ACSBG1: variants seen among roughly 807,000 people sequenced by gnomAD.
ACSBG1 encodes acyl-CoA synthetase bubblegum family member 1, also known as long-chain-fatty-acid--CoA ligase ACSBG1.
Under a neutral mutation model 80.2 loss-of-function variants are expected in ACSBG1, and 39 were observed. The observed-to-expected ratio is 0.49, with a 90% CI of 0.38 to 0.64. The LOEUF is 0.64. Ranked by LOEUF, ACSBG1 falls within the 30% of genes least tolerant of loss-of-function variation. The probability of loss-of-function intolerance (pLI) is 0.00; values close to 1 mark genes in which losing one functional copy is unlikely to be tolerated. For synonymous variants in ACSBG1, 392 were observed against 379.5 expected (o/e 1.03, Z -0.38); for missense variants, 828 against 966.4 (o/e 0.86, Z 1.90).
intron 5 of ACSBG1, among the ~76,000 whole-genome samples, chr15:78,185,710 C>T (rs1028022979): frequency 2.0e-5 from 3 of 151,792 alleles, no homozygotes; most frequent in African/African-American, 7.3e-5. Flanking sequence ...TACAACATAA[C>T]CAAATTGCTG....
At chr15:78,181,000 T>C in intron 8 of ACSBG1, 64 bp from the exon 9 acceptor site, 1 of 1,562,008 alleles carries the variant, frequency 6.4e-7, no homozygotes, top group Admixed American at 1.8e-5. Context: ...GGGTCCCCTC[T>C]TACCAGCCAG....
chr15:78,190,064 T>A (rs1229802671), intron 5 of ACSBG1, among the ~76,000 whole-genome samples: 1 of 151,944 alleles, frequency 6.6e-6, no homozygotes, highest in Non-Finnish European at 1.5e-5. Flanking sequence ...ATGGCAAAAA[T>A]GTGGGTAAAT....
intron 8 of ACSBG1, 86 bp from the exon 9 acceptor site, chr15:78,181,022 G>GCA (rs1396110616): frequency 3.4e-5 from 50 of 1,489,082 alleles, no homozygotes; most frequent in Non-Finnish European, 4.5e-5. Context: ...CATGCCGGTG[G>GCA]CACACACATG....
chr15:78,223,152 T>C (rs1204068029), intron 1 of ACSBG1, among the ~76,000 whole-genome samples: 3 of 152,154 alleles, frequency 2.0e-5, no homozygotes, highest in Non-Finnish European at 4.4e-5. Context: ...GCTTTTTGGA[T>C]CCCTGACCCA....
intron 9 of ACSBG1, among the ~76,000 whole-genome samples, chr15:78,180,033 T>C (rs939708965): frequency 2.6e-5 from 4 of 152,226 alleles, no homozygotes; most frequent in Non-Finnish European, 5.9e-5. Flanking sequence ...GATTCAGCTG[T>C]GTACAGGTGT....
At chr15:78,231,072 G>A (rs1160756908) in intron 1 of ACSBG1, among the ~76,000 whole-genome samples, 1 of 152,176 alleles carries the variant, frequency 6.6e-6, no homozygotes, top group Non-Finnish European at 1.5e-5. Context: ...TCCCACGTCA[G>A]CCTTCTGAGT....
chr15:78,226,802 A>AATATATATAAT (rs1555434839), intron 1 of ACSBG1, among the ~76,000 whole-genome samples: 1 of 141,340 alleles, frequency 7.1e-6, no homozygotes, highest in African/African-American at 2.6e-5. Context: ...ATATATATAT[A>AATATATATAAT]ATATATATAT....
At chr15:78,231,691 C>T (rs1241470619) in intron 1 of ACSBG1, among the ~76,000 whole-genome samples, 3 of 152,084 alleles carry the variant, frequency 2.0e-5, no homozygotes, top group Non-Finnish European at 2.9e-5. Context: ...TGGGCTCAAG[C>T]GATCCTCCCA....
At chr15:78,234,003 G>T (rs2075471507) in intron 1 of ACSBG1, among the ~76,000 whole-genome samples, 1 of 152,186 alleles carries the variant, frequency 6.6e-6, no homozygotes, top group African/African-American at 2.4e-5. Context: ...GAACCTCTGG[G>T]TCCCCACCAA....
chr15:78,225,692 T>C (rs2075394917), intron 1 of ACSBG1, among the ~76,000 whole-genome samples: 1 of 152,126 alleles, frequency 6.6e-6, no homozygotes, highest in Non-Finnish European at 1.5e-5. Flanking sequence ...ACAAGATGAT[T>C]CTACATTTTA....
chr15:78,225,244 AC>A (rs1426706453), intron 1 of ACSBG1, among the ~76,000 whole-genome samples: 1 of 151,998 alleles, frequency 6.6e-6, no homozygotes, highest in East Asian at 1.9e-4. Context: ...TACTAAAATT[AC>A]AAAAAATTAG....
intron 1 of ACSBG1, among the ~76,000 whole-genome samples, chr15:78,232,560 C>A (rs1284640276): frequency 6.6e-6 from 1 of 152,204 alleles, no homozygotes; most frequent in East Asian, 1.9e-4. Context: ...CACTTGGCCC[C>A]TCACTCACAG....
At chr15:78,233,735 C>T (rs1464006164) in intron 1 of ACSBG1, among the ~76,000 whole-genome samples, 1 of 152,190 alleles carries the variant, frequency 6.6e-6, no homozygotes, top group Non-Finnish European at 1.5e-5. Context: ...GCCTTCTGGC[C>T]AGGGCATCCC....
intron 5 of ACSBG1, among the ~76,000 whole-genome samples, chr15:78,184,865 G>A (rs1248834412): frequency 6.6e-6 from 1 of 152,212 alleles, no homozygotes; most frequent in Non-Finnish European, 1.5e-5. Context: ...TGTTTGGAGA[G>A]AAAGCAATTG....
intron 2 of ACSBG1, 78 bp downstream of exon 2, chr15:78,207,924 C>T (rs2075230509): frequency 1.4e-6 from 1 of 728,274 alleles, no homozygotes; most frequent in South Asian, 1.5e-5. Flanking sequence ...TGGTCCCCCA[C>T]ACCACCCACC....
chr15:78,217,692 G>C (rs908869282), intron 1 of ACSBG1, among the ~76,000 whole-genome samples: 1 of 151,586 alleles, frequency 6.6e-6, no homozygotes, highest in Non-Finnish European at 1.5e-5. Context: ...TCAGCTCCCC[G>C]AGTAGCTGGG....
intron 1 of ACSBG1, 60 bp downstream of exon 1, chr15:78,234,311 G>A: frequency 6.3e-7 from 1 of 1,582,936 alleles, no homozygotes; most frequent in Non-Finnish European, 8.6e-7. Context: ...TCACACAGCA[G>A]AGCAAAGTCT....
chr15:78,229,171 CCTT>C (rs763677129), intron 1 of ACSBG1, among the ~76,000 whole-genome samples: 3 of 152,074 alleles, frequency 2.0e-5, no homozygotes, highest in South Asian at 2.1e-4. Context: ...CATGCAAACT[CCTT>C]AAGGTAGAGA....
rs748188156 is a variant in ACSBG1, at chr15:78,171,437, G to A, written c.*7C>T. ...TATTCTATAGAAACTGCAGGCATAG[G>A]CCCTGATTACATTTTTTGCTCTTGG... On this transcript the variant is annotated 3_prime_UTR_variant, in exon 14 of 14. Coordinates refer to ENST00000258873, the MANE Select transcript of ACSBG1 (RefSeq NM_015162.5). 6.2e-7 allele frequency: 1 copy of A among 1,612,196 alleles called. No homozygotes were observed. The highest frequency in any genetic ancestry group is 8.5e-7 in the Non-Finnish European group (1 of 1,178,294).
Sources: allele counts gnomAD v4.1 joint callset (sites outside exome capture counted in the v4.1 genomes callset), GRCh38; gene constraint gnomAD v4.1.1; transcripts MANE v1.5; gene names NCBI Gene and HGNC (gene_info 2026-07-23, HGNC 2026-07-21).